The following TNRC6B variants were observed in gnomAD, a reference collection of about 807,000 sequenced individuals.
TNRC6B encodes trinucleotide repeat-containing gene 6B protein.
TNRC6B carries 52 observed loss-of-function variants against 203.6 expected under a neutral mutation model. The ratio of observed to expected loss-of-function variants is 0.26; its 90% CI spans 0.20 to 0.32. The LOEUF (loss-of-function observed/expected upper bound fraction) is 0.32, where lower values mean the gene tolerates loss of function less well. TNRC6B is among the 10% of genes least tolerant of loss of function. The pLI is 1.00. For synonymous variants in TNRC6B, 838 were observed against 845.7 expected (o/e 0.99, Z 0.16); for missense variants, 1,923 against 2,286.2 (o/e 0.84, Z 3.24).
At chr22:40,310,717 A>G (rs1360653601) in intron 16 of TNRC6B, 100 bp from the exon 17 acceptor site, 5 of 1,241,376 alleles carry the variant, frequency 4.0e-6, no homozygotes, top group Middle Eastern at 2.6e-4. Context: ...TATATACTCC[A>G]TCAGCTTCAG....
intron 4 of TNRC6B, 67 bp downstream of exon 4, chr22:40,262,240 T>G (rs2070398411): frequency 7.7e-7 from 1 of 1,299,304 alleles, no homozygotes; most frequent in African/African-American, 1.5e-5. Flanking sequence ...TTGCATTGCT[T>G]GATGTAAAGT....
At chr22:40,263,564 AT>A (rs1224831722) in intron 4 of TNRC6B, among the ~76,000 whole-genome samples, 1 of 152,148 alleles carries the variant, frequency 6.6e-6, no homozygotes, top group Non-Finnish European at 1.5e-5. Flanking sequence ...TATGCTTTTT[AT>A]TTTTCTATGC....
chr22:40,167,173 T>C (rs891462839), intron 4 of TNRC6B, among the ~76,000 whole-genome samples: 2 of 152,204 alleles, frequency 1.3e-5, no homozygotes, highest in African/African-American at 4.8e-5. Flanking sequence ...TACACAGTTT[T>C]ATGAAAACCA....
At chr22:40,149,227 G>C (rs1293633052) in intron 3 of TNRC6B, among the ~76,000 whole-genome samples, 5 of 152,182 alleles carry the variant, frequency 3.3e-5, no homozygotes, top group African/African-American at 1.2e-4. Context: ...ATGAATTTCA[G>C]AATGATTATG....
chr22:40,108,582 A>C (rs2068306586), intron 1 of TNRC6B, among the ~76,000 whole-genome samples: 1 of 152,188 alleles, frequency 6.6e-6, no homozygotes, highest in Non-Finnish European at 1.5e-5. Context: ...TTTTAAATTC[A>C]TTCTCCCATG....
At chr22:40,285,848 G>C in intron 12 of TNRC6B, 78 bp downstream of exon 12, 1 of 1,526,580 alleles carries the variant, frequency 6.6e-7, no homozygotes, top group Non-Finnish European at 8.8e-7. Flanking sequence ...GATTTTTGTG[G>C]GCATAAAAAG....
intron 1 of TNRC6B, among the ~76,000 whole-genome samples, chr22:40,223,708 A>G (rs1319730080): frequency 6.6e-6 from 1 of 152,192 alleles, no homozygotes; most frequent in Non-Finnish European, 1.5e-5. Context: ...GCCGTTACAA[A>G]CATATTTTGC....
At chr22:40,309,580 A>C (rs950399670) in intron 16 of TNRC6B, among the ~76,000 whole-genome samples, 1 of 152,196 alleles carries the variant, frequency 6.6e-6, no homozygotes, top group Non-Finnish European at 1.5e-5. Context: ...TGAATAATCT[A>C]AGCCCACTGA....
At position 40,321,101 on chromosome 22, in the gene TNRC6B, A is replaced by C; in HGVS notation, c.4986A>C (p.Ser1662=). The C allele has an allele frequency of 6.2e-7, 1 of 1,613,986 alleles. No individual in the cohort carries two copies. The highest frequency in any genetic ancestry group is 2.2e-5 in the East Asian group (1 of 44,888). The part of the protein sequence containing the change: ...LHNLTPQIDG[S]TLRTICMQHG... ...TCATTACTCCTTAGATTGATGGGTCAACCTTGAGAACGATCTGCATGCAGC... is the reference window on the plus strand; with the variant it reads ...TCATTACTCCTTAGATTGATGGGTCCACCTTGAGAACGATCTGCATGCAGC... Residue 1662 remains serine, a synonymous_variant, in exon 22 of 23, where the codon TCA becomes TCC. Transcript: ENST00000454349.
At chr22:40,096,324 T>C (rs1464424791) in intron 1 of TNRC6B, among the ~76,000 whole-genome samples, 1 of 152,226 alleles carries the variant, frequency 6.6e-6, no homozygotes, top group Non-Finnish European at 1.5e-5. Flanking sequence ...AAACCATGGT[T>C]GTTATGGATA....
chr22:40,250,720 C>T (rs2070179736), intron 2 of TNRC6B, among the ~76,000 whole-genome samples: 1 of 152,098 alleles, frequency 6.6e-6, no homozygotes, highest in Admixed American at 6.5e-5. Flanking sequence ...TCCTGCTTTC[C>T]GACCATGACG....
chr22:40,323,089 G>A lies in TNRC6B; in HGVS notation c.5350G>A (p.Gly1784Arg), dbSNP rs752550769. 5.0e-6 allele frequency: 8 copies of A among 1,608,172 alleles called. No individual in the cohort carries two copies. In the East Asian group the frequency reaches 6.7e-5, roughly 13 times the overall value. Residue 1784 changes from glycine to arginine, a missense_variant, in exon 23 of 23, where the codon GGG (glycine) becomes AGG (arginine). This residue lies in a region of TNRC6B where 126 missense variants were observed against 137.5 expected (regional missense o/e 0.92). Coordinates refer to ENST00000454349, the MANE Select transcript of TNRC6B (RefSeq NM_001162501.2). ...GAGCAGCAGCGCTGGTGGCAGCAGC[G>A]GGGCCGATCTTGCTGGCGCTTCATT... ...QWSSSAGGSS[G>R]ADLAGASLWG...
chr22:40,181,614 T>C (rs1053728905), intron 1 of TNRC6B, among the ~76,000 whole-genome samples: 1 of 152,182 alleles, frequency 6.6e-6, no homozygotes, highest in Non-Finnish European at 1.5e-5. Flanking sequence ...TATCTGAGTA[T>C]CTGCATTAGG....
intron 1 of TNRC6B, among the ~76,000 whole-genome samples, chr22:40,084,939 C>T (rs192946363): frequency 2.3e-4 from 35 of 152,170 alleles, no homozygotes; most frequent in Non-Finnish European, 3.8e-4. Flanking sequence ...TGTGTAGTCC[C>T]CTCTCCTGCT....
At chr22:40,190,315 C>T (rs2069255166) in intron 1 of TNRC6B, among the ~76,000 whole-genome samples, 1 of 152,196 alleles carries the variant, frequency 6.6e-6, no homozygotes, top group South Asian at 2.1e-4. Context: ...AGGTGCTGAG[C>T]AGTTGTAGCA....
At chr22:40,194,336 G>T (rs2069310110) in intron 1 of TNRC6B, among the ~76,000 whole-genome samples, 1 of 151,906 alleles carries the variant, frequency 6.6e-6, no homozygotes, top group Non-Finnish European at 1.5e-5. Context: ...GAGAGACTGT[G>T]TTGCCCGAGG....
chr22:40,261,016 A>G (rs1319692163), intron 3 of TNRC6B, among the ~76,000 whole-genome samples: 2 of 152,198 alleles, frequency 1.3e-5, no homozygotes, highest in African/African-American at 4.8e-5. Context: ...GTGGTGGCTC[A>G]CACCTGTAAT....
intron 3 of TNRC6B, among the ~76,000 whole-genome samples, chr22:40,153,443 A>G (rs980809820): frequency 6.6e-6 from 1 of 152,140 alleles, no homozygotes; most frequent in South Asian, 2.1e-4. Context: ...GCGGAGTGAA[A>G]CTGATAGATT....
At chr22:40,200,184 G>A (rs767411827) in intron 1 of TNRC6B, among the ~76,000 whole-genome samples, 11 of 150,714 alleles carry the variant, frequency 7.3e-5, no homozygotes, top group Non-Finnish European at 1.5e-4. Flanking sequence ...CCCCTCAATG[G>A]TTCTGGGGAG....
Sources: allele counts gnomAD v4.1 joint callset (sites outside exome capture counted in the v4.1 genomes callset), GRCh38; gene constraint gnomAD v4.1.1; regional missense constraint gnomAD v4.1.1; transcripts MANE v1.5; gene names NCBI Gene and HGNC (gene_info 2026-07-23, HGNC 2026-07-21).